HOTAIR: variants seen among roughly 807,000 people sequenced by gnomAD.
The protein encoded by HOTAIR is HOX transcript antisense RNA.
intron 1 of HOTAIR, among the ~76,000 whole-genome samples, chr12:53,969,478 G>A (rs1438204293): frequency 6.6e-6 from 1 of 152,182 alleles, no homozygotes; most frequent in Admixed American, 6.5e-5. Context: ...TGGGGCAATG[G>A]CCAAGTCTGA....
At chr12:53,963,908 AT>A (rs1487608632) in exon 7 of HOTAIR, 1 of 152,226 alleles carries the variant, frequency 6.6e-6, no homozygotes, top group African/African-American at 2.4e-5. Flanking sequence ...ACCAAATCAG[AT>A]TTTAAAAAAT....
intron 1 of HOTAIR, among the ~76,000 whole-genome samples, chr12:53,972,489 AG>A (rs5798292): frequency 0.071 from 10,819 of 152,302 alleles, 539 homozygotes; most frequent in Admixed American, 0.12. Context: ...CAGCACAGCA[AG>A]CCAGACAAAG....
chr12:53,971,518 T>G (rs542143876), intron 1 of HOTAIR, among the ~76,000 whole-genome samples: 52 of 152,372 alleles, frequency 3.4e-4, no homozygotes, highest in East Asian at 7.7e-4. Flanking sequence ...CACCTTATCA[T>G]GTTTCATCAA....
rs1347775389 is a variant in HOTAIR, at chr12:53,973,101, T to G, written n.59+1797A>C. The G allele has an allele frequency of 6.2e-6, 4 of 645,594 alleles. No homozygotes were observed. The highest frequency in any genetic ancestry group is 7.8e-6 in the Non-Finnish European group (3 of 384,222). 40.0% of individuals were successfully genotyped at this position (645,594 alleles called of 1,614,324 possible). A position where few individuals can be genotyped will look rare whatever the true frequency, so the allele number is the denominator to read the frequency against. On this transcript the variant is annotated intron_variant and non_coding_transcript_variant, in intron 1 of 6. Transcript: ENST00000424518. This position sits in a 1 kb window ranked among gnomAD's most constrained non-coding sequence, Gnocchi z 4.3. ...GTCTGCGAAGTGCTCCGAACTGATA[T>G]ATGACAATATCTACTTTGGATCACG... is the stretch of plus-strand genomic sequence containing the variant.
At chr12:53,970,459 C>T (rs1054149155) in intron 1 of HOTAIR, among the ~76,000 whole-genome samples, 5 of 152,254 alleles carry the variant, frequency 3.3e-5, no homozygotes, top group Non-Finnish European at 7.3e-5. Context: ...AAATGTCTAG[C>T]TGACCTCAGT....
chr12:53,971,976 G>A (rs1331515663), intron 1 of HOTAIR, among the ~76,000 whole-genome samples: 1 of 152,194 alleles, frequency 6.6e-6, no homozygotes, highest in Admixed American at 6.5e-5. Context: ...GAGGCTGGGG[G>A]CTTTGACTAG....
At chr12:53,970,797 G>C (rs149649199) in intron 1 of HOTAIR, among the ~76,000 whole-genome samples, 1 of 152,314 alleles carries the variant, frequency 6.6e-6, no homozygotes, top group Non-Finnish European at 1.5e-5. Context: ...TCCAGCAGCT[G>C]TCTCCTCACA....
At chr12:53,971,798 T>A (rs185689447) in intron 1 of HOTAIR, among the ~76,000 whole-genome samples, 42 of 152,362 alleles carry the variant, frequency 2.8e-4, no homozygotes, top group African/African-American at 9.9e-4. Flanking sequence ...TGCCCACATG[T>A]GTCCTGTGGT....
intron 5 of HOTAIR, among the ~76,000 whole-genome samples, chr12:53,964,785 C>T (rs546131469): frequency 6.6e-6 from 1 of 152,276 alleles, no homozygotes; most frequent in East Asian, 1.9e-4. Flanking sequence ...TACAAAATGG[C>T]TATTCCTAAA....
chr12:53,963,609 T>TCGGCTGAG (rs1191516592), exon 7 of HOTAIR: 1 of 152,340 alleles, frequency 6.6e-6, no homozygotes, highest in Non-Finnish European at 1.5e-5. Context: ...CGACCGCTGC[T>TCGGCTGAG]CGGCTGAGCG....
At chr12:53,970,927 G>A (rs1939137635) in intron 1 of HOTAIR, among the ~76,000 whole-genome samples, 1 of 152,206 alleles carries the variant, frequency 6.6e-6, no homozygotes, top group Non-Finnish European at 1.5e-5. Context: ...GGTGGAAGTG[G>A]AGAAAGCGGG....
chr12:53,973,192 G>A lies in HOTAIR; in HGVS notation n.59+1706C>T. 2 of 1,474,570 alleles carry A rather than the reference G, an allele frequency of 1.4e-6. No individual in the cohort carries two copies. Among genetic ancestry groups the A allele is most frequent in the Non-Finnish European group, 1.8e-6 (2 of 1,103,634 alleles). The allele number at this position is 1,474,570 out of a possible 1,614,324, so 91.3% of individuals were successfully genotyped here. A position where few individuals can be genotyped will look rare whatever the true frequency, so the allele number is the denominator to read the frequency against. ...TCGCCTTCCCAAATTTTCCCCCCTC[G>A]CTAGACCGGGTCCAAAACCTCCATC... On this transcript the variant is annotated intron_variant and non_coding_transcript_variant, in intron 1 of 6. Transcript: ENST00000424518. The surrounding 1 kb of genome is among the most constrained non-coding windows in gnomAD (Gnocchi z 4.3).
intron 1 of HOTAIR, among the ~76,000 whole-genome samples, chr12:53,971,359 A>G (rs1279973571): frequency 6.6e-6 from 1 of 152,194 alleles, no homozygotes; most frequent in Non-Finnish European, 1.5e-5. Flanking sequence ...AATGGGACCC[A>G]TGGTGGAGGC....
intron 5 of HOTAIR, among the ~76,000 whole-genome samples, chr12:53,965,377 G>A (rs186635626): frequency 6.6e-6 from 1 of 152,310 alleles, no homozygotes; most frequent in Non-Finnish European, 1.5e-5. Context: ...AGGAAGACAG[G>A]GTCTTATCCA....
At chr12:53,962,632 GAC>G (rs1291788494) in exon 7 of HOTAIR, 1 of 151,920 alleles carries the variant, frequency 6.6e-6, no homozygotes, top group Non-Finnish European at 1.5e-5. Context: ...AACTGTTTAA[GAC>G]ACAATTCTCT....
At chr12:53,972,236 T>A (rs1435065582) in intron 1 of HOTAIR, among the ~76,000 whole-genome samples, 1 of 152,248 alleles carries the variant, frequency 6.6e-6, no homozygotes, top group African/African-American at 2.4e-5. Flanking sequence ...AGAAGATACA[T>A]GGCTCTCATT....
intron 2 of HOTAIR, chr12:53,968,292 A>G (rs1592193955): frequency 6.6e-6 from 1 of 150,820 alleles, no homozygotes; most frequent in Non-Finnish European, 1.5e-5. Flanking sequence ...ACCCAAAGAA[A>G]CCCCTGGGGC....
intron 1 of HOTAIR, chr12:53,974,860 G>A: frequency 3.6e-6 from 1 of 277,952 alleles, no homozygotes; most frequent in Non-Finnish European, 6.7e-6. Context: ...GAGGGCGGAG[G>A]GGGAGCAGAC....
rs145644376 is a variant in HOTAIR at position 53,967,708 on chromosome 12, G to A, written n.200-314C>T. Among the ~76,000 whole-genome samples, 892 of 152,298 alleles carry A rather than the reference G, an allele frequency of 5.9e-3. 7 individuals carry two copies. Among genetic ancestry groups the A allele is most frequent in the African/African-American group, 0.021 (856 of 41,538 alleles). ...TCTTATGTCCCCTCAGTCTGGGAAG[G>A]GGAGCTCCAGTTAGTGAGGTGGTTT... is the stretch of plus-strand genomic sequence containing the variant. On this transcript the variant is annotated intron_variant and non_coding_transcript_variant, in intron 2 of 6. Coordinates refer to ENST00000424518, the Ensembl canonical transcript of HOTAIR.
Sources: allele counts gnomAD v4.1 joint callset (sites outside exome capture counted in the v4.1 genomes callset), GRCh38; gene constraint gnomAD v4.1.1; non-coding constraint Gnocchi (gnomAD v3.1); transcripts MANE v1.5; gene names NCBI Gene and HGNC (gene_info 2026-07-23, HGNC 2026-07-21).